Variants in LRIG3 observed in about 807,000 individuals in gnomAD.
The protein encoded by LRIG3 is leucine-rich repeats and immunoglobulin-like domains protein 3.
A neutral mutation model predicts 114.5 loss-of-function variants in LRIG3; 76 were observed. That is an observed-to-expected ratio of 0.66 (90% confidence interval 0.55 to 0.80). The LOEUF (loss-of-function observed/expected upper bound fraction) is 0.80, where lower values mean the gene tolerates loss of function less well. Ranked by LOEUF, LRIG3 falls within the 30% of genes least tolerant of loss-of-function variation. The pLI is 0.00. For synonymous variants in LRIG3, 512 were observed against 519.8 expected (o/e 0.98, Z 0.20); for missense variants, 1,239 against 1,382.8 (o/e 0.90, Z 1.65).
At chr12:58,886,241 G>A (rs923578787) in intron 9 of LRIG3, among the ~76,000 whole-genome samples, 2 of 151,914 alleles carry the variant, frequency 1.3e-5, no homozygotes, top group African/African-American at 2.4e-5. Flanking sequence ...AATAGTGAAC[G>A]TTTTCTCCTT....
chr12:58,917,232 G>T (rs565305534), intron 1 of LRIG3, among the ~76,000 whole-genome samples: 37 of 152,302 alleles, frequency 2.4e-4, no homozygotes, highest in South Asian at 1.5e-3. Context: ...CCTGGGTCCT[G>T]TTGAGAACTC....
chr12:58,910,667 A>G (rs542025286), intron 3 of LRIG3, among the ~76,000 whole-genome samples: 2 of 152,296 alleles, frequency 1.3e-5, no homozygotes, highest in Non-Finnish European at 2.9e-5. Context: ...TTTGACAGTC[A>G]CTGACCTAAC....
At chr12:58,919,370 G>T (rs12426955) in intron 1 of LRIG3, 323,958 of 1,548,348 alleles carry the variant, frequency 0.21, 34,631 homozygotes, top group Admixed American at 0.3. Flanking sequence ...ATCGAGTTCC[G>T]CCCTTTCCAT....
intron 3 of LRIG3, among the ~76,000 whole-genome samples, chr12:58,906,917 C>T (rs369651872): frequency 1.4e-4 from 21 of 150,586 alleles, no homozygotes; most frequent in African/African-American, 5.1e-4. Context: ...AAAGTAGATT[C>T]TTTGCTTAAC....
chr12:58,895,170 C>T (rs1166622121), intron 3 of LRIG3, among the ~76,000 whole-genome samples: 1 of 152,190 alleles, frequency 6.6e-6, no homozygotes, highest in Non-Finnish European at 1.5e-5. Context: ...ACTCTGAGAG[C>T]ACTGGAGTTC....
intron 14 of LRIG3, among the ~76,000 whole-genome samples, chr12:58,878,591 C>G (rs2293660): frequency 0.078 from 11,799 of 152,122 alleles, 937 homozygotes; most frequent in African/African-American, 0.19. Context: ...CTCGGCCCCT[C>G]TCTTCAGGAT....
chr12:58,890,677 T>C lies in LRIG3; in HGVS notation c.503A>G (p.Gln168Arg), dbSNP rs1871425400. 1 of 1,594,792 alleles carries C rather than the reference T, an allele frequency of 6.3e-7. No homozygotes were observed. The highest frequency in any genetic ancestry group is 8.5e-7 in the Non-Finnish European group (1 of 1,172,234). ...AAACTTCACTTACAGATATTTGAGC[T>C]GTAGGGCTGGAAATGCAGTTTGGAG... ...SELQTAFPAL[Q>R]LKYLYLNSNR... Residue 168 changes from glutamine (Q) to arginine (R), a missense_variant, in exon 4 of 19, where the codon CAG (glutamine) becomes CGG (arginine). Coordinates refer to ENST00000320743, the MANE Select transcript of LRIG3 (RefSeq NM_153377.5).
At chr12:58,911,037 GA>G (rs1226488505) in intron 3 of LRIG3, among the ~76,000 whole-genome samples, 1 of 152,210 alleles carries the variant, frequency 6.6e-6, no homozygotes, top group Non-Finnish European at 1.5e-5. Context: ...GATATTGTGA[GA>G]GAAAAATTTA....
At position 58,880,787 on chromosome 12, in the gene LRIG3, A is replaced by G; in HGVS notation, c.1595T>C (p.Phe532Ser). The G allele has an allele frequency of 1.9e-6, 3 of 1,614,194 alleles. No individual in the cohort carries two copies. Among genetic ancestry groups the G allele is most frequent in the Non-Finnish European group, 2.5e-6 (3 of 1,180,016 alleles). Residue 532 changes from phenylalanine to serine, a missense_variant, in exon 13 of 19, where the codon TTT (phenylalanine) becomes TCT (serine). Physicochemically the swap from Phe to Ser is radical, Grantham distance 155. Transcript: ENST00000320743. ...AASSSDSPMT[F>S]AWKKDNELLH... Reference sequence around the variant, plus strand: ...TAGTTCATTGTCTTTTTTCCAAGCAAAAGTCATTGGGGAATCACTGCTGCT... The same window carrying G: ...TAGTTCATTGTCTTTTTTCCAAGCAGAAGTCATTGGGGAATCACTGCTGCT...
chr12:58,879,077 C>T lies in LRIG3; in HGVS notation c.1830G>A (p.Met610Ile). 6.2e-7 allele frequency: 1 copy of T among 1,613,212 alleles called. No individual in the cohort carries two copies. The highest frequency in any genetic ancestry group is 8.5e-7 in the Non-Finnish European group (1 of 1,179,312). Residue 610 changes from methionine (M) to isoleucine (I), a missense_variant, in exon 14 of 19, where the codon ATG (methionine) becomes ATA (isoleucine). Coordinates refer to ENST00000320743, the MANE Select transcript of LRIG3 (RefSeq NM_153377.5). ...NMLPSFTKTP[M>I]DLTIRAGAMA... Reference sequence around the variant, plus strand: ...TGGCCCCAGCTCGGATGGTGAGATCCATGGGGGTCTTGGTGAATGAGGGAA... The same window carrying T: ...TGGCCCCAGCTCGGATGGTGAGATCTATGGGGGTCTTGGTGAATGAGGGAA...
At chr12:58,916,257 C>G (rs571923642) in intron 1 of LRIG3, among the ~76,000 whole-genome samples, 45 of 152,214 alleles carry the variant, frequency 3.0e-4, no homozygotes, top group Non-Finnish European at 4.7e-4. Context: ...CTGGGGACCC[C>G]TCATTTCTGA....
chr12:58,887,280 A>C (rs1409338602), intron 8 of LRIG3, among the ~76,000 whole-genome samples: 1 of 152,218 alleles, frequency 6.6e-6, no homozygotes, highest in Non-Finnish European at 1.5e-5. Flanking sequence ...CGAACAGAGC[A>C]AAAGTTTCTG....
chr12:58,873,148 T>G (rs754631854), intron 18 of LRIG3, among the ~76,000 whole-genome samples: 4 of 152,192 alleles, frequency 2.6e-5, no homozygotes, highest in Non-Finnish European at 4.4e-5. Flanking sequence ...AGCCCAATTT[T>G]GGTGACGGGT....
rs767553072 is a variant in LRIG3 at position 58,872,504 on chromosome 12, TTC to T, written c.*66_*67del. ...ATAACTCCATTTAAAAAACATAAGA[TTC>T]TCTCTCTTTTAAATAAAAGTTCACT... On this transcript the variant is annotated 3_prime_UTR_variant, in exon 19 of 19. Transcript: ENST00000320743. 2.0e-4 allele frequency: 284 copies of T among 1,446,424 alleles called. 1 individual carries two copies. Among genetic ancestry groups the T allele is most frequent in the Non-Finnish European group, 2.5e-4 (268 of 1,088,604 alleles). 89.6% of individuals were successfully genotyped at this position (1,446,424 alleles called of 1,614,324 possible). A position where few individuals can be genotyped will look rare whatever the true frequency, so the allele number is the denominator to read the frequency against.
At chr12:58,889,154 T>A (rs1016389377) in intron 5 of LRIG3, among the ~76,000 whole-genome samples, 192 bp from the exon 6 acceptor site, 4 of 152,224 alleles carry the variant, frequency 2.6e-5, no homozygotes, top group African/African-American at 4.8e-5. Flanking sequence ...CTGAAATGTG[T>A]CATGTGTTTT....
chr12:58,914,903 T>C (rs2120990019), intron 1 of LRIG3, among the ~76,000 whole-genome samples: 1 of 152,264 alleles, frequency 6.6e-6, no homozygotes, highest in Non-Finnish European at 1.5e-5. Flanking sequence ...TTTCTTAAAT[T>C]CCCCAAATAT....
chr12:58,878,917 C>T lies in LRIG3; in HGVS notation c.1990G>A (p.Val664Met), dbSNP rs777912224. 2.5e-5 allele frequency: 41 copies of T among 1,614,066 alleles called. No individual in the cohort carries two copies. The highest frequency in any genetic ancestry group is 1.6e-4 in the South Asian group (15 of 91,090). ...CCAATGTCCTCTATCTTCACATCCA[C>T]GATAAAGAACACGTCATCCTCGGGC... ...VMPEDDVFFI[V>M]DVKIEDIGVY... Residue 664 changes from valine to methionine, a missense_variant, in exon 14 of 19, where the codon GTG becomes ATG. Coordinates refer to ENST00000320743, the MANE Select transcript of LRIG3 (RefSeq NM_153377.5).
intron 3 of LRIG3, among the ~76,000 whole-genome samples, chr12:58,895,222 TAA>T (rs1383105016): frequency 6.6e-6 from 1 of 152,064 alleles, no homozygotes; most frequent in African/African-American, 2.4e-5. Context: ...TCACAGAGCT[TAA>T]AGTCTAGTGG....
rs765206816 is a variant in LRIG3, at chr12:58,890,684, C to T, written c.496G>A (p.Ala166Thr). 1 of 1,597,696 alleles carries T rather than the reference C, an allele frequency of 6.3e-7. No individual in the cohort carries two copies. Among genetic ancestry groups the T allele is most frequent in the Non-Finnish European group, 8.5e-7 (1 of 1,173,414 alleles). The part of the protein sequence containing the change: ...NISELQTAFP[A>T]LQLKYLYLNS... Reference sequence around the variant, plus strand: ...ACTTACAGATATTTGAGCTGTAGGGCTGGAAATGCAGTTTGGAGCTCTGAA... The same window carrying T: ...ACTTACAGATATTTGAGCTGTAGGGTTGGAAATGCAGTTTGGAGCTCTGAA... The change falls in exon 4 of 19, where the codon GCC becomes ACC. Residue 166 changes from alanine to threonine, a missense_variant. Coordinates refer to ENST00000320743, the MANE Select transcript of LRIG3 (RefSeq NM_153377.5).
Sources: allele counts gnomAD v4.1 joint callset (sites outside exome capture counted in the v4.1 genomes callset), GRCh38; gene constraint gnomAD v4.1.1; transcripts MANE v1.5; gene names NCBI Gene and HGNC (gene_info 2026-07-23, HGNC 2026-07-21).